The following DCC variants were observed in gnomAD, a reference collection of about 807,000 sequenced individuals.
DCC encodes the protein netrin receptor DCC.
In DCC, 58 loss-of-function variants were observed where a neutral mutation model predicts 172.5. That is an observed-to-expected ratio of 0.34 (90% confidence interval 0.27 to 0.42). The LOEUF (loss-of-function observed/expected upper bound fraction) is 0.42. Ranked by LOEUF, DCC falls within the 10% of genes least tolerant of loss-of-function variation. The pLI is 1.00. For missense variants in DCC, 1,740 were observed against 1,791.0 expected (o/e 0.97, Z 0.51); for synonymous variants, 709 against 644.5 (o/e 1.10, Z -1.52).
chr18:52,574,736 T>A (rs2033371806), intron 1 of DCC, among the ~76,000 whole-genome samples: 1 of 152,152 alleles, frequency 6.6e-6, no homozygotes, highest in Non-Finnish European at 1.5e-5. Flanking sequence ...TTCTTTTTGG[T>A]TATAGTCCAC....
chr18:52,813,575 TG>T (rs35379350), intron 2 of DCC, among the ~76,000 whole-genome samples: 12,337 of 152,176 alleles, frequency 0.081, 624 homozygotes, highest in South Asian at 0.19. Flanking sequence ...AGACAATGTG[TG>T]ATGGTTAATT....
At chr18:53,315,533 G>A (rs536130246) in intron 13 of DCC, among the ~76,000 whole-genome samples, 24 of 152,202 alleles carry the variant, frequency 1.6e-4, no homozygotes, top group Non-Finnish European at 2.2e-4. Context: ...TTGAGGAATC[G>A]CCACACTGTC....
intron 2 of DCC, among the ~76,000 whole-genome samples, chr18:52,760,376 T>G (rs926241363): frequency 2.0e-5 from 3 of 151,970 alleles, no homozygotes; most frequent in Non-Finnish European, 4.4e-5. Context: ...GGGATTACAA[T>G]TTGGGTTACA....
At chr18:53,235,713 T>C (rs984176807) in intron 12 of DCC, among the ~76,000 whole-genome samples, 1 of 152,102 alleles carries the variant, frequency 6.6e-6, no homozygotes, top group African/African-American at 2.4e-5. Context: ...ATCAACATCA[T>C]CCATCTCCAG....
intron 3 of DCC, among the ~76,000 whole-genome samples, chr18:52,910,010 T>C (rs1305885967): frequency 1.3e-5 from 2 of 152,108 alleles, no homozygotes; most frequent in African/African-American, 4.8e-5. Flanking sequence ...ATATATTCTG[T>C]TTGACTGGCT....
chr18:52,830,458 A>G (rs544503385), intron 2 of DCC, among the ~76,000 whole-genome samples: 2 of 152,246 alleles, frequency 1.3e-5, no homozygotes, highest in African/African-American at 4.8e-5. Context: ...ATGTCTTACT[A>G]TTTAATAGGA....
chr18:52,717,989 C>T (rs1386436880), intron 1 of DCC, among the ~76,000 whole-genome samples: 1 of 152,158 alleles, frequency 6.6e-6, no homozygotes, highest in East Asian at 1.9e-4. Flanking sequence ...AAAACCTCAG[C>T]ACAGTTAATC....
At chr18:53,320,166 G>A (rs775647726) in intron 13 of DCC, among the ~76,000 whole-genome samples, 4 of 146,076 alleles carry the variant, frequency 2.7e-5, no homozygotes, top group Admixed American at 7.0e-5. Context: ...TCTGCCTCCC[G>A]GGTCCATGCC....
chr18:53,161,710 T>C (rs8095327), intron 8 of DCC, among the ~76,000 whole-genome samples: 92,802 of 151,888 alleles, frequency 0.61, 29,157 homozygotes, highest in South Asian at 0.76. Context: ...TTCCCCCCAC[T>C]TTTGAAATCT....
At chr18:53,351,318 C>CAG (rs1491353807) in intron 15 of DCC, among the ~76,000 whole-genome samples, 158 of 14,548 alleles carry the variant, frequency 0.011, no homozygotes, top group African/African-American at 0.02. Context: ...TATATATACA[C>CAG]TGTATATATA....
chr18:52,559,499 G>T (rs924605294), intron 1 of DCC, among the ~76,000 whole-genome samples: 1 of 152,046 alleles, frequency 6.6e-6, no homozygotes, highest in African/African-American at 2.4e-5. Flanking sequence ...ATGCCATAAA[G>T]GATCCAGACA....
chr18:52,931,628 TATAAA>T (rs2040308108), intron 5 of DCC, among the ~76,000 whole-genome samples: 1 of 152,256 alleles, frequency 6.6e-6, no homozygotes, highest in African/African-American at 2.4e-5. Flanking sequence ...GTTTCCTTCT[TATAAA>T]ATAAAAATGG....
intron 7 of DCC, among the ~76,000 whole-genome samples, chr18:53,127,364 A>T (rs1337628193): frequency 6.6e-6 from 1 of 151,962 alleles, no homozygotes; most frequent in Non-Finnish European, 1.5e-5. Context: ...CGATTCCCTC[A>T]TACTTTCCTA....
At chr18:53,135,097 T>C (rs1306342705) in intron 7 of DCC, among the ~76,000 whole-genome samples, 1 of 152,158 alleles carries the variant, frequency 6.6e-6, no homozygotes, top group Non-Finnish European at 1.5e-5. Context: ...ATATTTGTAA[T>C]GGATTTTCCA....
chr18:52,511,735 C>T (rs1044558828), intron 1 of DCC, among the ~76,000 whole-genome samples: 2 of 152,174 alleles, frequency 1.3e-5, no homozygotes, highest in Non-Finnish European at 2.9e-5. Context: ...ACATTTTAAT[C>T]CCACATACAA....
chr18:52,715,069 G>T (rs893659111), intron 1 of DCC, among the ~76,000 whole-genome samples: 1 of 151,974 alleles, frequency 6.6e-6, no homozygotes, highest in African/African-American at 2.4e-5. Flanking sequence ...GCCTCTCTTT[G>T]CTACATCTAC....
At chr18:52,579,089 A>T (rs1173157852) in intron 1 of DCC, among the ~76,000 whole-genome samples, 1 of 152,222 alleles carries the variant, frequency 6.6e-6, no homozygotes, top group Non-Finnish European at 1.5e-5. Flanking sequence ...AATAAGATAA[A>T]TTCACATATT....
At position 53,312,105 on chromosome 18, in the gene DCC, C is replaced by A. The variant is rs373469660; in HGVS notation, c.2053+6386C>A. ...CGGGCGGATCACGAGGTCAAGAGAT[C>A]GAGACCATCCTGTCTAACACGGTGA... On this transcript the variant is annotated intron_variant, in intron 13 of 28. Coordinates refer to ENST00000442544, the MANE Select transcript of DCC (RefSeq NM_005215.4). Among the ~76,000 whole-genome samples, 64 of 146,532 alleles carry A rather than the reference C, an allele frequency of 4.4e-4. No homozygotes were observed. The East Asian group carries it at 0.012, about 27-fold the overall frequency.
rs146441821 is a variant in DCC, at chr18:52,499,159, G to A, written c.91+158281G>A. ...CAAAGAAACTGCAAGCTCCCTGAAT[G>A]CAGATGGTGCTGATCAAGGATCTAG... On this transcript the variant is annotated intron_variant, in intron 1 of 28. Coordinates refer to ENST00000442544, the MANE Select transcript of DCC (RefSeq NM_005215.4). Among the ~76,000 whole-genome samples, 766 of 152,292 alleles carry A rather than the reference G, an allele frequency of 5.0e-3. 18 individuals carry two copies. The highest frequency in any genetic ancestry group is 3.1e-3 in the Non-Finnish European group (214 of 68,024).
Sources: allele counts gnomAD v4.1 joint callset (sites outside exome capture counted in the v4.1 genomes callset), GRCh38; gene constraint gnomAD v4.1.1; transcripts MANE v1.5; gene names NCBI Gene and HGNC (gene_info 2026-07-23, HGNC 2026-07-21).